LMO7: variants seen among roughly 807,000 people sequenced by gnomAD.
The protein encoded by LMO7 is LIM domain only protein 7.
A neutral mutation model predicts 206.5 loss-of-function variants in LMO7; 120 were observed. The ratio of observed to expected loss-of-function variants is 0.58; its 90% CI spans 0.50 to 0.68. The LOEUF (loss-of-function observed/expected upper bound fraction) is 0.68, where lower values mean the gene tolerates loss of function less well. Ranked by LOEUF, LMO7 falls within the 30% of genes least tolerant of loss-of-function variation. The pLI is 0.00. For synonymous variants in LMO7, 706 were observed against 681.5 expected, an observed-to-expected ratio of 1.04 and a Z score of -0.56; for missense variants, 1,959 against 1,957.9, an observed-to-expected ratio of 1.00 and a Z score of -0.01.
chr13:75,842,151 C>T (rs147374323), intron 24 of LMO7, among the ~76,000 whole-genome samples, 168 bp downstream of exon 24: 488 of 152,292 alleles, frequency 3.2e-3, no homozygotes, highest in Non-Finnish European at 5.2e-3. Context: ...TCTTGCTTCA[C>T]CACCCATAAC....
At chr13:75,779,297 G>A (rs1301887425) in intron 4 of LMO7, among the ~76,000 whole-genome samples, 1 of 152,128 alleles carries the variant, frequency 6.6e-6, no homozygotes. Flanking sequence ...GGAAGTATTA[G>A]CATAATTGGG....
At chr13:75,644,781 C>T (rs897004239) in intron 1 of LMO7, among the ~76,000 whole-genome samples, 5 of 152,086 alleles carry the variant, frequency 3.3e-5, no homozygotes, top group Admixed American at 2.6e-4. Flanking sequence ...TAGGCACACA[C>T]CACCACACCC....
chr13:75,709,938 C>T (rs1483528944), intron 1 of LMO7, among the ~76,000 whole-genome samples: 2 of 152,186 alleles, frequency 1.3e-5, no homozygotes, highest in Non-Finnish European at 2.9e-5. Context: ...TTAGGTCTAA[C>T]ATTTAAGTCT....
intron 1 of LMO7, among the ~76,000 whole-genome samples, chr13:75,671,677 C>A (rs990894725): frequency 1.3e-5 from 2 of 152,310 alleles, no homozygotes; most frequent in East Asian, 1.9e-4. Flanking sequence ...AATTCTCCAA[C>A]AACATTCACG....
Position 75,703,265 on chromosome 13 carries a change from T to A in LMO7, c.70-9917T>A, listed in dbSNP as rs115756305. Among the ~76,000 whole-genome samples, 923 of 152,290 alleles carry A rather than the reference T, an allele frequency of 6.1e-3. 14 individuals carry two copies. Among genetic ancestry groups the A allele is most frequent in the African/African-American group, 0.021 (864 of 41,540 alleles). ...TATTTATAGGAAGAATAATTTGATT[T>A]AAAAGTGATGAGGGTGTGTAAGCTG... On this transcript the variant is annotated intron_variant, in intron 1 of 30. Transcript: ENST00000377534.
intron 1 of LMO7, among the ~76,000 whole-genome samples, chr13:75,699,032 T>G (rs553465532): frequency 6.6e-6 from 1 of 152,316 alleles, no homozygotes; most frequent in African/African-American, 2.4e-5. Context: ...GATTACCTTA[T>G]TCTGGACATT....
At chr13:75,655,453 A>AT (rs1046510880) in intron 1 of LMO7, among the ~76,000 whole-genome samples, 1 of 151,988 alleles carries the variant, frequency 6.6e-6, no homozygotes, top group Non-Finnish European at 1.5e-5. Context: ...TTTGATTGTC[A>AT]TCTCAGATAT....
In LMO7 at chr13:75,626,592, TAA is replaced by T. The variant is rs1566249201; in HGVS notation, c.225+3274_225+3275del. On this transcript the variant is annotated intron_variant, in intron 2 of 29. Coordinates refer to the LMO7 transcript ENST00000341547. Reference sequence around the variant, plus strand: ...AACATATATATTATATATATATATATAAATTTTTTTGAGACAGGGTCTCACTC... The same window carrying T: ...AACATATATATTATATATATATATATATTTTTTTGAGACAGGGTCTCACTC... Among the ~76,000 whole-genome samples the T allele has an allele frequency of 2.7e-3, 323 of 121,630 alleles. 27 individuals are homozygous for T. Among genetic ancestry groups the T allele is most frequent in the Middle Eastern group, 4.2e-3 (1 of 236 alleles). The allele number at this position is 121,630 out of a possible 152,430, so 79.8% of individuals were successfully genotyped here.
At chr13:75,713,746 T>C (rs1347804130) in intron 2 of LMO7, among the ~76,000 whole-genome samples, 10 of 152,210 alleles carry the variant, frequency 6.6e-5, no homozygotes, top group Non-Finnish European at 1.5e-4. Context: ...ATTCAATTAA[T>C]AGACACCATT....
chr13:75,810,568 G>A (rs1443137140), intron 11 of LMO7, among the ~76,000 whole-genome samples: 2 of 152,196 alleles, frequency 1.3e-5, no homozygotes, highest in East Asian at 3.9e-4. Flanking sequence ...TTAAACATTT[G>A]CTACTCTCAA....
chr13:75,807,229 T>G, intron 9 of LMO7: 1 of 432,296 alleles, frequency 2.3e-6, no homozygotes, highest in East Asian at 4.0e-5. Context: ...GTGGCCTCCA[T>G]GGTGCCCAAC....
At chr13:75,768,968 A>C (rs967333130) in intron 4 of LMO7, among the ~76,000 whole-genome samples, 2 of 152,124 alleles carry the variant, frequency 1.3e-5, no homozygotes, top group Non-Finnish European at 1.5e-5. Flanking sequence ...TTAGGCATTA[A>C]AAAATTATAA....
chr13:75,809,440 A>G (rs2056007443), intron 11 of LMO7, among the ~76,000 whole-genome samples: 1 of 152,208 alleles, frequency 6.6e-6, no homozygotes. Context: ...TTAAAAATTT[A>G]ATGAGTTGAT....
chr13:75,805,969 C>A, intron 9 of LMO7: 1 of 1,086,850 alleles, frequency 9.2e-7, no homozygotes, highest in Non-Finnish European at 1.2e-6. Context: ...TATACATAGT[C>A]ATAGCACGGC....
intron 1 of LMO7, among the ~76,000 whole-genome samples, chr13:75,671,481 G>A (rs1185602857): frequency 2.0e-5 from 3 of 152,068 alleles, no homozygotes; most frequent in Non-Finnish European, 2.9e-5. Flanking sequence ...TTTGCAGTCA[G>A]TGGTTTTGAC....
At chr13:75,705,006 A>G (rs1479499540) in intron 1 of LMO7, among the ~76,000 whole-genome samples, 4 of 152,206 alleles carry the variant, frequency 2.6e-5, no homozygotes, top group Non-Finnish European at 5.9e-5. Context: ...TTTTTTAATA[A>G]CTTCCTATCA....
intron 1 of LMO7, among the ~76,000 whole-genome samples, chr13:75,664,339 A>T (rs559384943): frequency 1.4e-4 from 22 of 152,272 alleles, no homozygotes; most frequent in African/African-American, 5.3e-4. Flanking sequence ...AGTTCCATCC[A>T]TGTTGTTTCA....
chr13:75,648,472 C>G (rs2037256127), intron 1 of LMO7, among the ~76,000 whole-genome samples: 1 of 152,174 alleles, frequency 6.6e-6, no homozygotes, highest in Non-Finnish European at 1.5e-5. Context: ...CATTCATCTT[C>G]CTCTGTTTCT....
chr13:75,854,016 G>A (rs1160366948), intron 28 of LMO7, among the ~76,000 whole-genome samples: 1 of 152,156 alleles, frequency 6.6e-6, no homozygotes, highest in Admixed American at 6.5e-5. Context: ...AATATGGTGT[G>A]GGAAGTGTAT....
Sources: gnomAD v4.1 joint callset for allele counts (sites outside exome capture counted in the v4.1 genomes callset) on GRCh38, gnomAD v4.1.1 for gene constraint, MANE v1.5 for transcripts, NCBI Gene and HGNC (gene_info 2026-07-23, HGNC 2026-07-21) for gene names.